Variants in FAM177A1 observed in about 807,000 individuals in gnomAD.
The protein encoded by FAM177A1 is protein FAM177A1.
A neutral mutation model predicts 26.1 loss-of-function variants in FAM177A1; 22 were observed. The ratio of observed to expected loss-of-function variants is 0.84; its 90% CI spans 0.60 to 1.20. The LOEUF (loss-of-function observed/expected upper bound fraction) is 1.20. Among genes scored for constraint, FAM177A1 ranks in the 50% most tolerant of loss-of-function variants. FAM177A1 has a pLI of 0.00. For missense variants in FAM177A1, 296 were observed against 291.1 expected (o/e 1.02, Z -0.12); for synonymous variants, 95 against 99.3 (o/e 0.96, Z 0.26).
rs570235721 is a variant in FAM177A1, at chr14:35,067,070, G to A, written c.340-10080G>A. Among the ~76,000 whole-genome samples the A allele has an allele frequency of 6.4e-4, 97 of 152,314 alleles. 1 individual carries two copies. Among genetic ancestry groups the A allele is most frequent in the Non-Finnish European group, 9.3e-4 (63 of 68,022 alleles). ...GCCTCCCGAAGTTCTGGGATTACAG[G>A]TGTGAGCTACCATGCCCAGCCCAAT... On this transcript the variant is annotated intron_variant, in intron 2 of 4. Transcript: ENST00000280987.
intron 2 of FAM177A1, among the ~76,000 whole-genome samples, chr14:35,057,626 C>G (rs779092574): frequency 6.6e-6 from 1 of 152,018 alleles, no homozygotes; most frequent in African/African-American, 2.4e-5. Flanking sequence ...GTGATCTGCC[C>G]GCCTCGGCCT....
intron 2 of FAM177A1, among the ~76,000 whole-genome samples, chr14:35,069,942 C>A (rs1432882089): frequency 2.0e-5 from 3 of 150,494 alleles, no homozygotes; most frequent in Non-Finnish European, 4.4e-5. Context: ...ATGGTGAAAC[C>A]CCGTCTCTAC....
chr14:35,062,396 TC>T (rs1246752353), intron 2 of FAM177A1, among the ~76,000 whole-genome samples: 1 of 152,158 alleles, frequency 6.6e-6, no homozygotes, highest in East Asian at 1.9e-4. Context: ...TGAAGCCCAA[TC>T]CAACAGATCC....
chr14:35,076,339 A>G (rs2045395066), intron 2 of FAM177A1, among the ~76,000 whole-genome samples: 1 of 152,216 alleles, frequency 6.6e-6, no homozygotes, highest in South Asian at 2.1e-4. Context: ...AACTATTGCA[A>G]GGACAGAAAA....
chr14:35,064,177 A>G (rs1411016420), intron 2 of FAM177A1, among the ~76,000 whole-genome samples: 2 of 151,934 alleles, frequency 1.3e-5, no homozygotes, highest in African/African-American at 4.8e-5. Flanking sequence ...CACTGAGGTC[A>G]GGAGTTTGAG....
chr14:35,055,385 G>A (rs1321238592), intron 2 of FAM177A1, among the ~76,000 whole-genome samples: 4 of 150,366 alleles, frequency 2.7e-5, no homozygotes, highest in Non-Finnish European at 5.9e-5. Flanking sequence ...TCCAAATGCA[G>A]GTAGAATATT....
At chr14:35,053,249 C>G (rs374308377) in intron 1 of FAM177A1, 29 bp from the exon 2 acceptor site, 1 of 1,574,824 alleles carries the variant, frequency 6.3e-7, no homozygotes, top group Non-Finnish European at 8.6e-7. Flanking sequence ...TCACTTGAAA[C>G]TCATTTTCTT....
chr14:35,062,299 T>C (rs1048339758), intron 2 of FAM177A1, among the ~76,000 whole-genome samples: 1 of 152,200 alleles, frequency 6.6e-6, no homozygotes, highest in Non-Finnish European at 1.5e-5. Context: ...GAGTTCCTCA[T>C]GCTGTTATGA....
At position 35,065,978 on chromosome 14, in the gene FAM177A1, A is replaced by G. The variant is rs368649701; in HGVS notation, c.340-11172A>G. Among the ~76,000 whole-genome samples, 47 of 152,286 alleles carry G rather than the reference A, an allele frequency of 3.1e-4. No homozygotes were observed. In the South Asian group the frequency reaches 9.8e-3, roughly 32 times the overall value. On this transcript the variant is annotated intron_variant, in intron 2 of 4. Coordinates refer to ENST00000280987, the MANE Select transcript of FAM177A1 (RefSeq NM_173607.5). Reference sequence around the variant, plus strand: ...TGGCCTCCCAAAGTGCTGAGATTACAGGTGTGAGCCACTGCACCCTGCCTA... The same window carrying G: ...TGGCCTCCCAAAGTGCTGAGATTACGGGTGTGAGCCACTGCACCCTGCCTA...
At chr14:35,072,508 C>T (rs1361824385) in intron 2 of FAM177A1, among the ~76,000 whole-genome samples, 1 of 152,080 alleles carries the variant, frequency 6.6e-6, no homozygotes, top group African/African-American at 2.4e-5. Flanking sequence ...CATGGAAATA[C>T]GTAGTAATTT....
chr14:35,052,760 A>G (rs2044994554), intron 1 of FAM177A1, among the ~76,000 whole-genome samples: 1 of 152,020 alleles, frequency 6.6e-6, no homozygotes, highest in Non-Finnish European at 1.5e-5. Flanking sequence ...CACTGTCCCT[A>G]TAGAAAAAAA....
upstream of FAM177A1, chr14:35,045,044 A>G (rs1053454237): frequency 1.3e-5 from 2 of 152,240 alleles, no homozygotes; most frequent in African/African-American, 4.8e-5. Context: ...TTGAATACAT[A>G]TAATGCAGAA....
intron 1 of FAM177A1, among the ~76,000 whole-genome samples, chr14:35,052,918 T>TG (rs1432217983): frequency 6.6e-6 from 1 of 152,062 alleles, no homozygotes; most frequent in Admixed American, 6.6e-5. Context: ...AGACCCTGTC[T>TG]GGGGGAAAAA....
chr14:35,049,771 C>G lies in FAM177A1; in HGVS notation c.165+3143C>G, dbSNP rs539840649. Among the ~76,000 whole-genome samples the G allele has an allele frequency of 5.0e-4, 76 of 152,088 alleles. 1 individual carries two copies. The highest frequency in any genetic ancestry group is 1.0e-3 in the Non-Finnish European group (71 of 67,978). ...CTGCATTCCAGCCTGGATGACAGAG[C>G]AAGACTCCTTTTCAAAAAAGAAAAA... On this transcript the variant is annotated intron_variant, in intron 1 of 4. Transcript: ENST00000280987.
intron 4 of FAM177A1, among the ~76,000 whole-genome samples, chr14:35,080,789 CA>C (rs1019124575): frequency 1.3e-5 from 2 of 150,374 alleles, no homozygotes; most frequent in African/African-American, 2.4e-5. Context: ...TACTCTTTCT[CA>C]AAAAAAACAA....
rs1566667310 is a variant in FAM177A1 at position 35,053,452 on chromosome 14, G to C, written c.339+1G>C. ...AGATGTTTTGCCTACTGTTGATCCG[G>C]TAGGTTTGATATTGATGATTCTTTC... On this transcript the variant is annotated splice_donor_variant, in intron 2 of 4. Transcript: ENST00000280987. LOFTEE classifies it high-confidence loss of function. 2.5e-6 allele frequency: 4 copies of C among 1,613,646 alleles called. No homozygotes were observed. Among genetic ancestry groups the C allele is most frequent in the Non-Finnish European group, 3.4e-6 (4 of 1,179,922 alleles).
At chr14:35,073,084 T>TC (rs58035707) in intron 2 of FAM177A1, among the ~76,000 whole-genome samples, 2 of 151,556 alleles carry the variant, frequency 1.3e-5, no homozygotes, top group Non-Finnish European at 2.9e-5. Flanking sequence ...TTCTTCTTCT[T>TC]TTTTTTGAGA....
intron 2 of FAM177A1, among the ~76,000 whole-genome samples, chr14:35,059,802 C>T (rs1386171420): frequency 6.6e-6 from 1 of 152,144 alleles, no homozygotes; most frequent in Non-Finnish European, 1.5e-5. Flanking sequence ...CTGCCTCAGT[C>T]TCCCAAAGTG....
At chr14:35,071,277 G>A (rs571877165) in intron 2 of FAM177A1, among the ~76,000 whole-genome samples, 16 of 151,912 alleles carry the variant, frequency 1.1e-4, no homozygotes, top group African/African-American at 3.1e-4. Context: ...GATTACAGGC[G>A]TGAGCCACTG....
Sources: allele counts gnomAD v4.1 joint callset (sites outside exome capture counted in the v4.1 genomes callset), GRCh38; gene constraint gnomAD v4.1.1; transcripts MANE v1.5; gene names NCBI Gene and HGNC (gene_info 2026-07-23, HGNC 2026-07-21).